Variants in HIVEP3 observed in about 807,000 individuals in gnomAD.
The protein encoded by HIVEP3 is transcription factor HIVEP3.
Under a neutral mutation model 152.8 loss-of-function variants are expected in HIVEP3, and 49 were observed. The ratio of observed to expected loss-of-function variants is 0.32; its 90% CI spans 0.26 to 0.41. HIVEP3 has a LOEUF of 0.41. Ranked by LOEUF, HIVEP3 falls within the 10% of genes least tolerant of loss-of-function variation. The pLI, the probability that HIVEP3 is intolerant of heterozygous loss-of-function variation, is 1.00. For synonymous variants in HIVEP3, 1,269 were observed against 1,289.0 expected (o/e 0.98, Z 0.33); for missense variants, 2,790 against 3,103.3 (o/e 0.90, Z 2.40).
chr1:41,548,507 A>G (rs1222667248), intron 5 of HIVEP3, among the ~76,000 whole-genome samples: 1 of 150,778 alleles, frequency 6.6e-6, no homozygotes, highest in Non-Finnish European at 1.5e-5. Flanking sequence ...CAAATACACA[A>G]CCTAAAATGT....
chr1:41,798,586 T>C (rs1650116213), intron 1 of HIVEP3, among the ~76,000 whole-genome samples: 1 of 152,250 alleles, frequency 6.6e-6, no homozygotes, highest in African/African-American at 2.4e-5. Context: ...AAAATAATTT[T>C]AAAACCTCTG....
chr1:41,933,741 T>C (rs1645006483), intron 1 of HIVEP3, among the ~76,000 whole-genome samples: 2 of 152,096 alleles, frequency 1.3e-5, no homozygotes, highest in African/African-American at 4.8e-5. Flanking sequence ...TCTTCTTTTC[T>C]TTTATTTTTC....
chr1:41,920,380 T>C (rs941356144), upstream of HIVEP3, among the ~76,000 whole-genome samples: 1 of 152,188 alleles, frequency 6.6e-6, no homozygotes, highest in Admixed American at 6.5e-5. Context: ...CTTCTCCATC[T>C]ACCCAGCCCC....
intron 3 of HIVEP3, among the ~76,000 whole-genome samples, 167 bp from the exon 4 acceptor site, chr1:41,585,485 C>T (rs1644491136): frequency 6.6e-6 from 1 of 152,098 alleles, no homozygotes; most frequent in Non-Finnish European, 1.5e-5. Context: ...GCTCCGGCTC[C>T]ACATGTCCAA....
At chr1:41,702,359 A>G (rs529113713) in intron 1 of HIVEP3, among the ~76,000 whole-genome samples, 3 of 152,298 alleles carry the variant, frequency 2.0e-5, no homozygotes, top group Middle Eastern at 3.4e-3. Context: ...TTGTATCCAC[A>G]CTTAAAATAC....
chr1:41,508,336 G>A lies in HIVEP3; in HGVS notation c.*2115C>T, dbSNP rs879416896. On this transcript the variant is annotated 3_prime_UTR_variant, in exon 9 of 9. Transcript: ENST00000372583. ...TGGGTTAGGGCTGAAAGGCAAGGAT[G>A]AGAAAAGCCCTGGCCTCCTGGGACT... is the stretch of plus-strand genomic sequence containing the variant. 5 of 152,276 alleles carry A rather than the reference G, an allele frequency of 3.3e-5. No homozygotes were observed. The highest frequency in any genetic ancestry group is 6.5e-5 in the Admixed American group (1 of 15,288). The allele number at this position is 152,276 out of a possible 1,614,324, so 9.4% of individuals were successfully genotyped here. A position where few individuals can be genotyped will look rare whatever the true frequency, so the allele number is the denominator to read the frequency against.
chr1:41,673,135 T>A lies in HIVEP3; in HGVS notation c.-721+27781A>T, dbSNP rs192906914. ...AGGCCTTGTCTTCTCCCCCACCAAA[T>A]GGGGCTCAGCTCCCTCCCTAGGGGC... On this transcript the variant is annotated intron_variant, in intron 2 of 8. Coordinates refer to ENST00000372583, the MANE Select transcript of HIVEP3 (RefSeq NM_024503.5). Among the ~76,000 whole-genome samples the A allele has an allele frequency of 4.6e-5, 7 of 152,020 alleles. No individual in the cohort carries two copies. The East Asian group carries it at 7.8e-4, about 17-fold the overall frequency.
chr1:41,591,099 A>T (rs950977577), intron 3 of HIVEP3, among the ~76,000 whole-genome samples: 5 of 152,222 alleles, frequency 3.3e-5, no homozygotes, highest in Admixed American at 3.3e-4. Context: ...TGGAGAAAGC[A>T]TTTCTGTGGA....
chr1:41,835,368 G>A (rs556032101), intron 1 of HIVEP3, among the ~76,000 whole-genome samples: 5 of 152,246 alleles, frequency 3.3e-5, no homozygotes, highest in African/African-American at 1.2e-4. Context: ...GTCCCAGCAT[G>A]GCCTTTCCTC....
intron 1 of HIVEP3, among the ~76,000 whole-genome samples, chr1:41,957,360 T>C (rs1295529330): frequency 6.6e-6 from 1 of 152,206 alleles, no homozygotes; most frequent in Non-Finnish European, 1.5e-5. Flanking sequence ...GCTAAACAAG[T>C]AGGGGTTAGT....
At chr1:41,605,255 T>C (rs574340416) in intron 3 of HIVEP3, among the ~76,000 whole-genome samples, 1 of 151,846 alleles carries the variant, frequency 6.6e-6, no homozygotes, top group South Asian at 2.1e-4. Flanking sequence ...TAGTGGTTTC[T>C]GATTTCTAAT....
intron 1 of HIVEP3, among the ~76,000 whole-genome samples, chr1:41,749,832 G>C (rs989948876): frequency 6.6e-6 from 1 of 152,202 alleles, no homozygotes; most frequent in African/African-American, 2.4e-5. Flanking sequence ...GAGTGGTGTG[G>C]CCTTGGGGGT....
At chr1:41,606,953 T>C (rs1462274775) in intron 3 of HIVEP3, among the ~76,000 whole-genome samples, 2 of 152,164 alleles carry the variant, frequency 1.3e-5, no homozygotes, top group Non-Finnish European at 2.9e-5. Context: ...CAGTATGATC[T>C]TTCTAGTTTA....
intron 1 of HIVEP3, among the ~76,000 whole-genome samples, chr1:41,942,892 ATATTTTCTTTT>A (rs1452927346): frequency 6.6e-6 from 1 of 151,850 alleles, no homozygotes; most frequent in Non-Finnish European, 1.5e-5. Context: ...ATATTTGTTT[ATATTTTCTTTT>A]TTTTTTCTTT....
intron 1 of HIVEP3, among the ~76,000 whole-genome samples, chr1:41,839,194 G>A (rs138073599): frequency 3.0e-4 from 46 of 152,270 alleles, no homozygotes; most frequent in African/African-American, 1.0e-3. Flanking sequence ...AGGAGGGAAG[G>A]TGGAGCCCTG....
chr1:41,751,615 C>T (rs1446939624), intron 1 of HIVEP3, among the ~76,000 whole-genome samples: 1 of 152,052 alleles, frequency 6.6e-6, no homozygotes, highest in Non-Finnish European at 1.5e-5. Context: ...TCAACCTTTC[C>T]CCTGTCCTTC....
chr1:41,522,833 C>T (rs1642796405), intron 6 of HIVEP3, among the ~76,000 whole-genome samples: 1 of 152,228 alleles, frequency 6.6e-6, no homozygotes, highest in South Asian at 2.1e-4. Flanking sequence ...AGGCGATGGG[C>T]AGCCCAGGCT....
chr1:41,960,976 C>G (rs1485488407), intron 1 of HIVEP3, among the ~76,000 whole-genome samples: 2 of 152,170 alleles, frequency 1.3e-5, no homozygotes, highest in East Asian at 3.9e-4. Flanking sequence ...TGTCTCTTCC[C>G]CATGAAAGTG....
At chr1:41,631,016 A>G (rs1431316885) in intron 2 of HIVEP3, among the ~76,000 whole-genome samples, 1 of 152,234 alleles carries the variant, frequency 6.6e-6, no homozygotes, top group East Asian at 1.9e-4. Flanking sequence ...GAATACACAA[A>G]TGAGTATTGG....
Sources: allele counts gnomAD v4.1 joint callset (sites outside exome capture counted in the v4.1 genomes callset), GRCh38; gene constraint gnomAD v4.1.1; transcripts MANE v1.5; gene names NCBI Gene and HGNC (gene_info 2026-07-23, HGNC 2026-07-21).